The following STEAP3 variants were observed in gnomAD, a reference collection of about 807,000 sequenced individuals.
The protein encoded by STEAP3 is STEAP3 metalloreductase, also known as metalloreductase STEAP3.
A neutral mutation model predicts 34.9 loss-of-function variants in STEAP3; 35 were observed. The observed-to-expected ratio is 1.00, with a 90% CI of 0.76 to 1.33. STEAP3 has a LOEUF of 1.33. Ranked by LOEUF, STEAP3 falls within the 40% of genes most tolerant of loss-of-function variation. STEAP3 has a pLI of 0.00. For synonymous variants in STEAP3, 281 were observed against 301.6 expected (o/e 0.93, Z 0.71); for missense variants, 652 against 667.6 (o/e 0.98, Z 0.26).
chr2:119,252,860 A>G (rs536337517), intron 4 of STEAP3, among the ~76,000 whole-genome samples: 3,438 of 152,268 alleles, frequency 0.023, 126 homozygotes, highest in African/African-American at 0.079. Flanking sequence ...GAGGAAAAAA[A>G]CAAGGCATTT....
intron 2 of STEAP3, among the ~76,000 whole-genome samples, chr2:119,240,853 G>C (rs374758579): frequency 6.5e-4 from 99 of 152,196 alleles, no homozygotes; most frequent in East Asian, 2.9e-3. Flanking sequence ...GCCCAGACAG[G>C]GTTAGTCACA....
chr2:119,240,673 A>G (rs1011472419), intron 2 of STEAP3, among the ~76,000 whole-genome samples: 1 of 152,250 alleles, frequency 6.6e-6, no homozygotes, highest in Non-Finnish European at 1.5e-5. Context: ...GCCTGGGCAG[A>G]GACCCAGAGG....
chr2:119,238,304 GTC>G, intron 2 of STEAP3, among the ~76,000 whole-genome samples: 1 of 152,244 alleles, frequency 6.6e-6, no homozygotes, highest in East Asian at 1.9e-4. Flanking sequence ...CATCCTCCCT[GTC>G]TTTTAAAAAA....
rs374186156 is a variant in STEAP3 at position 119,248,054 on chromosome 2, C to T, written c.898C>T (p.Arg300Cys). The change falls in exon 4 of 6, where the codon CGC becomes TGC. Residue 300 changes from arginine to cysteine, a missense_variant. Transcript: ENST00000393110. ...LQLRRGTKYQ[R>C]FPDWLDHWLQ... ...GCTGCGGCGCGGCACCAAGTACCAG[C>T]GCTTCCCCGACTGGCTGGACCACTG... is the stretch of plus-strand genomic sequence containing the variant. The T allele has an allele frequency of 4.8e-5, 77 of 1,608,804 alleles. No homozygotes were observed. The highest frequency in any genetic ancestry group is 1.6e-4 in the Middle Eastern group (1 of 6,062).
At chr2:119,257,506 C>T in intron 5 of STEAP3, 1 of 1,545,182 alleles carries the variant, frequency 6.5e-7, no homozygotes, top group South Asian at 1.2e-5. Context: ...ACCCGAAGAC[C>T]TGAATCTCAG....
intron 2 of STEAP3, among the ~76,000 whole-genome samples, chr2:119,243,502 C>T (rs568519515): frequency 6.6e-6 from 1 of 152,326 alleles, no homozygotes; most frequent in East Asian, 1.9e-4. Flanking sequence ...TCAGTTCCCT[C>T]CTCTGTAAAG....
At chr2:119,248,449 A>C in intron 4 of STEAP3, 1 of 524,972 alleles carries the variant, frequency 1.9e-6, no homozygotes, top group Non-Finnish European at 3.4e-6. Context: ...GACTTAAACA[A>C]AATACAGCAG....
chr2:119,263,401 T>G lies in STEAP3; in HGVS notation c.*63T>G. 6.4e-7 allele frequency: 1 copy of G among 1,561,066 alleles called. No individual in the cohort carries two copies. Among genetic ancestry groups the G allele is most frequent in the Non-Finnish European group, 8.7e-7 (1 of 1,154,582 alleles). On this transcript the variant is annotated 3_prime_UTR_variant, in exon 6 of 6. Coordinates refer to ENST00000393110, the MANE Select transcript of STEAP3 (RefSeq NM_182915.3). ...GGACGGTGCCCTGAGCCCGTTAGGT[T>G]TTCTTTTCTTGGTGGTGCAAAGTGG...
Position 119,264,627 on chromosome 2 carries a change from T to G in STEAP3, c.*1289T>G, listed in dbSNP as rs897691534. On this transcript the variant is annotated 3_prime_UTR_variant, in exon 6 of 6. Coordinates refer to ENST00000393110, the MANE Select transcript of STEAP3 (RefSeq NM_182915.3). Reference sequence around the variant, plus strand: ...CTGTGAAGAAACAGGTGTTCTCGGCTGAGCCCCCAACCCTCTGCAGAACCA... The same window carrying G: ...CTGTGAAGAAACAGGTGTTCTCGGCGGAGCCCCCAACCCTCTGCAGAACCA... 2 of 152,250 alleles carry G rather than the reference T, an allele frequency of 1.3e-5. No individual in the cohort carries two copies. The highest frequency in any genetic ancestry group is 2.9e-5 in the Non-Finnish European group (2 of 68,100). 9.4% of individuals were successfully genotyped at this position (152,250 alleles called of 1,614,324 possible). A position where few individuals can be genotyped will look rare whatever the true frequency, so the allele number is the denominator to read the frequency against.
Position 119,263,287 on chromosome 2 carries a change from G to T in STEAP3, c.1446G>T (p.Lys482Asn). 4 of 1,613,984 alleles carry T rather than the reference G, an allele frequency of 2.5e-6. No homozygotes were observed. The highest frequency in any genetic ancestry group is 3.4e-6 in the Non-Finnish European group (4 of 1,179,990). Residue 482 changes from lysine (K) to asparagine (N), a missense_variant, in exon 6 of 6, where the codon AAG becomes AAT. Physicochemically the swap from Lys to Asn is moderately conservative, Grantham distance 94 (BLOSUM62 0). Transcript: ENST00000393110. The stretch of plus-strand genomic sequence containing the variant: ...GCTGGGAGAGGGAGAGCACCATCAA[G>T]TTCACGCTGCCCACAGACCACGCCC... ...RRGWERESTIKFTLPTDHALA... is the reference protein window; with the variant it reads ...RRGWERESTINFTLPTDHALA...
chr2:119,240,175 G>T (rs1377854136), intron 2 of STEAP3, among the ~76,000 whole-genome samples: 1 of 152,334 alleles, frequency 6.6e-6, no homozygotes, highest in Admixed American at 6.5e-5. Context: ...CTGCACTCCA[G>T]GCTGGCGACA....
At chr2:119,245,317 GGCTGT>G in intron 2 of STEAP3, 167 bp from the exon 3 acceptor site, 1 of 881,392 alleles carries the variant, frequency 1.1e-6, no homozygotes. Flanking sequence ...CCAGGGAAGG[GGCTGT>G]GTTGTGTTCA....
chr2:119,239,419 C>T (rs972956566), intron 2 of STEAP3: 2 of 152,416 alleles, frequency 1.3e-5, no homozygotes, highest in East Asian at 3.9e-4. Flanking sequence ...AGGCACGTGC[C>T]AACACACCCA....
At chr2:119,248,357 A>T in intron 4 of STEAP3, 151 bp downstream of exon 4, 1 of 827,536 alleles carries the variant, frequency 1.2e-6, no homozygotes, top group Non-Finnish European at 1.8e-6. Flanking sequence ...CAGCACCCAC[A>T]TCCTCCTGCC....
Position 119,245,966 on chromosome 2 carries a change from G to A in STEAP3, c.500G>A (p.Gly167Asp), listed in dbSNP as rs1425118521. Residue 167 changes from glycine (G) to aspartate (D), a missense_variant, in exon 3 of 6, where the codon GGC (glycine) becomes GAC (aspartate). Coordinates refer to ENST00000393110, the MANE Select transcript of STEAP3 (RefSeq NM_182915.3). ...NVISAWTLQA[G>D]PRDGNRQVPI... ...ATCTCTGCCTGGACCCTGCAGGCTG[G>A]CCCAAGGGATGGTAACAGGCAGGTA... is the stretch of plus-strand genomic sequence containing the variant. 1 of 1,612,916 alleles carries A rather than the reference G, an allele frequency of 6.2e-7. No individual in the cohort carries two copies. Among genetic ancestry groups the A allele is most frequent in the Non-Finnish European group, 8.5e-7 (1 of 1,179,496 alleles).
At position 119,263,233 on chromosome 2, in the gene STEAP3, C is replaced by G; in HGVS notation, c.1392C>G (p.Ile464Met). ...LAKALFLLPC[I>M]SRRLARIRRG... Reference sequence around the variant, plus strand: ...AAGCCCTGTTTCTCCTGCCCTGCATCAGCCGCAGACTCGCCAGGATCCGGA... The same window carrying G: ...AAGCCCTGTTTCTCCTGCCCTGCATGAGCCGCAGACTCGCCAGGATCCGGA... The change falls in exon 6 of 6, where the codon ATC (isoleucine) becomes ATG (methionine). Residue 464 changes from isoleucine to methionine, a missense_variant. Transcript: ENST00000393110. 6.2e-7 allele frequency: 1 copy of G among 1,614,164 alleles called. No homozygotes were observed. Among genetic ancestry groups the G allele is most frequent in the Non-Finnish European group, 8.5e-7 (1 of 1,180,036 alleles).
At chr2:119,257,654 TGC>T (rs1677815327) in intron 5 of STEAP3, 2 of 1,454,550 alleles carry the variant, frequency 1.4e-6, no homozygotes, top group Non-Finnish European at 9.1e-7. Context: ...AAATGCAGGA[TGC>T]GTGCAGCCAA....
intron 1 of STEAP3, among the ~76,000 whole-genome samples, chr2:119,227,430 G>A (rs1229137064): frequency 3.3e-5 from 5 of 152,262 alleles, no homozygotes; most frequent in South Asian, 2.1e-4. Flanking sequence ...CACTGTCACC[G>A]GAGAATTGTT....
Position 119,254,739 on chromosome 2 carries a change from T to G in STEAP3, c.1106T>G (p.Ile369Ser), listed in dbSNP as rs1677725618. 2 of 1,614,024 alleles carry G rather than the reference T, an allele frequency of 1.2e-6. No homozygotes were observed. Among genetic ancestry groups the G allele is most frequent in the African/African-American group, 2.7e-5 (2 of 74,908 alleles). ...GAGGAGGAGGTCTGGCGGATGGAGATCTACCTCTCCCTGGGAGTGCTGGCC... is the reference window on the plus strand; with the variant it reads ...GAGGAGGAGGTCTGGCGGATGGAGAGCTACCTCTCCCTGGGAGTGCTGGCC... ...WVEEEVWRME[I>S]YLSLGVLALG... is the part of the protein sequence containing the mutation. Residue 369 changes from isoleucine (I) to serine (S), a missense_variant, in exon 5 of 6, where the codon ATC becomes AGC. Transcript: ENST00000393110.
Sources: allele counts gnomAD v4.1 joint callset (sites outside exome capture counted in the v4.1 genomes callset), GRCh38; gene constraint gnomAD v4.1.1; transcripts MANE v1.5; gene names NCBI Gene and HGNC (gene_info 2026-07-23, HGNC 2026-07-21).